The following ADAM32 variants were observed in gnomAD, a reference collection of about 807,000 sequenced individuals.
ADAM32 encodes disintegrin and metalloproteinase domain-containing protein 32.
In ADAM32, 89 loss-of-function variants were observed where a neutral mutation model predicts 114.9. The observed-to-expected ratio is 0.77, with a 90% confidence interval of 0.65 to 0.92. ADAM32 has a LOEUF of 0.92. Among genes scored for constraint, ADAM32 ranks in the 40% least tolerant of loss-of-function variants. The pLI, the probability that ADAM32 is intolerant of heterozygous loss-of-function variation, is 0.00. For synonymous variants in ADAM32, 285 were observed against 307.5 expected, an observed-to-expected ratio of 0.93 and a Z score of 0.77; for missense variants, 870 against 932.8, an observed-to-expected ratio of 0.93 and a Z score of 0.88.
intron 10 of ADAM32, among the ~76,000 whole-genome samples, chr8:39,170,222 G>A (rs932304863): frequency 1.4e-4 from 22 of 152,092 alleles, no homozygotes; most frequent in Admixed American, 8.5e-4. Context: ...TCATAAATAC[G>A]CATGCTGTTC....
chr8:39,109,364 G>A (rs1231002897), intron 1 of ADAM32, among the ~76,000 whole-genome samples: 2 of 151,920 alleles, frequency 1.3e-5, no homozygotes, highest in African/African-American at 4.8e-5. Flanking sequence ...TGGCCAACAT[G>A]GTGAAACCCC....
At chr8:39,245,990 C>A in intron 16 of ADAM32, 93 bp from the exon 17 acceptor site, 1 of 983,642 alleles carries the variant, frequency 1.0e-6, no homozygotes, top group Non-Finnish European at 1.6e-6. Flanking sequence ...CATTGAATGG[C>A]TATGCTTTTA....
At chr8:39,128,030 C>T (rs184513437) in intron 2 of ADAM32, among the ~76,000 whole-genome samples, 1 of 151,820 alleles carries the variant, frequency 6.6e-6, no homozygotes, top group Non-Finnish European at 1.5e-5. Flanking sequence ...AGATATCTAT[C>T]AGGTCTGCTT....
At chr8:39,251,544 T>C (rs905557530) in intron 17 of ADAM32, among the ~76,000 whole-genome samples, 3 of 151,812 alleles carry the variant, frequency 2.0e-5, no homozygotes, top group Non-Finnish European at 4.4e-5. Context: ...CTTTTGCCCA[T>C]TTTTTTAATC....
chr8:39,135,012 A>C (rs1365897490), intron 2 of ADAM32, among the ~76,000 whole-genome samples: 1 of 152,108 alleles, frequency 6.6e-6, no homozygotes, highest in Admixed American at 6.6e-5. Flanking sequence ...AAGATTAGCC[A>C]GGCGTGGTGG....
chr8:39,154,884 G>GT (rs1239200459), intron 6 of ADAM32, among the ~76,000 whole-genome samples: 5 of 88,256 alleles, frequency 5.7e-5, no homozygotes, highest in East Asian at 5.1e-4. Context: ...ACTTTTTGAT[G>GT]GTTTTTTTTT....
intron 17 of ADAM32, among the ~76,000 whole-genome samples, chr8:39,249,193 T>C (rs950981516): frequency 6.6e-6 from 1 of 152,156 alleles, no homozygotes; most frequent in African/African-American, 2.4e-5. Flanking sequence ...CATGAGCCAC[T>C]GTGCCAGGCC....
At chr8:39,170,909 A>T (rs1805144710) in intron 10 of ADAM32, among the ~76,000 whole-genome samples, 1 of 152,110 alleles carries the variant, frequency 6.6e-6, no homozygotes, top group South Asian at 2.1e-4. Flanking sequence ...GTACAAAATT[A>T]CAGTCAGGTA....
At position 39,270,867 on chromosome 8, in the gene ADAM32, T is replaced by C; in HGVS notation, c.2163-9T>C. ...GTACTAACATGAGACATTTTCAATTTCTTTTTAGATCTAAATCGGAAGGTA... is the reference window on the plus strand; with the variant it reads ...GTACTAACATGAGACATTTTCAATTCCTTTTTAGATCTAAATCGGAAGGTA... On this transcript the variant is annotated splice_polypyrimidine_tract_variant and intron_variant, in intron 19 of 24. Coordinates refer to ENST00000379907, the MANE Select transcript of ADAM32 (RefSeq NM_145004.7). 1 of 1,602,158 alleles carries C rather than the reference T, an allele frequency of 6.2e-7. No individual in the cohort carries two copies. Among genetic ancestry groups the C allele is most frequent in the South Asian group, 1.1e-5 (1 of 89,352 alleles).
At chr8:39,187,243 G>C (rs1338063686) in intron 11 of ADAM32, among the ~76,000 whole-genome samples, 198 bp downstream of exon 11, 1 of 152,080 alleles carries the variant, frequency 6.6e-6, no homozygotes, top group East Asian at 1.9e-4. Context: ...CAATCTGAAA[G>C]ATATATTAGC....
intron 14 of ADAM32, 83 bp from the exon 15 acceptor site, chr8:39,231,944 T>G (rs948505025): frequency 6.3e-6 from 7 of 1,109,864 alleles, no homozygotes; most frequent in Non-Finnish European, 6.7e-6. Flanking sequence ...AATGGAGAGA[T>G]AAAGGGAATA....
intron 11 of ADAM32, among the ~76,000 whole-genome samples, chr8:39,189,972 G>A (rs1298358491): frequency 1.3e-5 from 2 of 152,008 alleles, no homozygotes; most frequent in Non-Finnish European, 2.9e-5. Flanking sequence ...CAGCCACCAC[G>A]CCTGGCTAAT....
chr8:39,281,139 C>A lies in ADAM32; in HGVS notation c.2283C>A (p.Ser761=). The A allele has an allele frequency of 7.5e-7, 1 of 1,334,276 alleles. No individual in the cohort carries two copies. Among genetic ancestry groups the A allele is most frequent in the Non-Finnish European group, 9.8e-7 (1 of 1,020,510 alleles). The allele number at this position is 1,334,276 out of a possible 1,614,324, so 82.7% of individuals were successfully genotyped here. A position where few individuals can be genotyped will look rare whatever the true frequency, so the allele number is the denominator to read the frequency against. ...ATTGTTTTTAATTTATTTTTAGATC[C>A]AAATCAGAAGATAGTGCTGAAGCAT... ...ESSSQADTSK[S]KSEDSAEAYT... is the part of the protein sequence containing the mutation. The change falls in exon 23 of 25, where the codon TCC becomes TCA. Residue 761 remains serine (S), a synonymous_variant. Transcript: ENST00000379907.
chr8:39,143,674 C>T (rs1197814833), intron 3 of ADAM32, among the ~76,000 whole-genome samples: 1 of 152,100 alleles, frequency 6.6e-6, no homozygotes, highest in Non-Finnish European at 1.5e-5. Context: ...GGTCAGGGAC[C>T]CACTTGAGGA....
In ADAM32 at chr8:39,258,193, A is replaced by G. The variant is rs113284849; in HGVS notation, c.2162+850A>G. 7.7e-3 allele frequency among the ~76,000 whole-genome samples: 1,165 copies of G among 151,574 alleles called. 10 individuals carry two copies. Among genetic ancestry groups the G allele is most frequent in the African/African-American group, 0.027 (1,103 of 41,408 alleles). On this transcript the variant is annotated intron_variant, in intron 19 of 24. Transcript: ENST00000379907. The stretch of plus-strand genomic sequence containing the variant: ...GTGTTTTTATTTTGTTAGTAGTTTG[A>G]AACATGTAACTTTTGGTTTCATTGT...
At chr8:39,115,043 C>T (rs927028844) in intron 1 of ADAM32, among the ~76,000 whole-genome samples, 5 of 152,110 alleles carry the variant, frequency 3.3e-5, no homozygotes, top group African/African-American at 4.8e-5. Context: ...CTGCAAAGGA[C>T]GTGATTTCAT....
chr8:39,212,545 T>A (rs1808297462), intron 12 of ADAM32, among the ~76,000 whole-genome samples: 1 of 152,228 alleles, frequency 6.6e-6, no homozygotes, highest in African/African-American at 2.4e-5. Flanking sequence ...GTCTAGAAAG[T>A]CATATAAATG....
intron 17 of ADAM32, 122 bp downstream of exon 17, chr8:39,246,288 T>C: frequency 1.3e-6 from 1 of 754,812 alleles, no homozygotes; most frequent in Non-Finnish European, 2.2e-6. Flanking sequence ...TAGCTTCAAT[T>C]GAGAGCTGAA....
At chr8:39,261,617 T>C (rs551735461) in intron 19 of ADAM32, among the ~76,000 whole-genome samples, 2 of 152,344 alleles carry the variant, frequency 1.3e-5, no homozygotes, top group Middle Eastern at 3.4e-3. Flanking sequence ...TTGTTGTTTT[T>C]TGAGGAGCTG....
Sources: allele counts gnomAD v4.1 joint callset (sites outside exome capture counted in the v4.1 genomes callset), GRCh38; gene constraint gnomAD v4.1.1; transcripts MANE v1.5; gene names NCBI Gene and HGNC (gene_info 2026-07-23, HGNC 2026-07-21).